OLFM3: variants seen among roughly 807,000 people sequenced by gnomAD.
OLFM3 encodes olfactomedin 3.
OLFM3 carries 20 observed loss-of-function variants against 48.6 expected under a neutral mutation model. That is an observed-to-expected ratio of 0.41 (90% confidence interval 0.29 to 0.60). OLFM3 has a LOEUF of 0.60. Among genes scored for constraint, OLFM3 ranks in the 20% least tolerant of loss-of-function variants. The pLI is 0.28. For synonymous variants in OLFM3, 222 were observed against 198.1 expected (o/e 1.12, Z -1.01); for missense variants, 437 against 544.3 (o/e 0.80, Z 1.96).
chr1:101,834,306 A>G (rs141479427), intron 2 of OLFM3, among the ~76,000 whole-genome samples: 1 of 152,264 alleles, frequency 6.6e-6, no homozygotes, highest in South Asian at 2.1e-4. Flanking sequence ...AAAGATAACT[A>G]TCCCTTCTAT....
At chr1:101,934,194 C>A (rs1286042944) in intron 1 of OLFM3, among the ~76,000 whole-genome samples, 1 of 152,060 alleles carries the variant, frequency 6.6e-6, no homozygotes, top group Non-Finnish European at 1.5e-5. Flanking sequence ...GAAGCAAGAC[C>A]CAATGGTCTG....
intron 1 of OLFM3, among the ~76,000 whole-genome samples, chr1:101,869,955 C>T (rs963045567): frequency 1.1e-4 from 17 of 152,042 alleles, no homozygotes; most frequent in Admixed American, 3.3e-4. Flanking sequence ...TACCCAGTCT[C>T]GAGCAGTTCT....
At chr1:101,944,684 A>T (rs1659899546) in intron 1 of OLFM3, among the ~76,000 whole-genome samples, 1 of 152,120 alleles carries the variant, frequency 6.6e-6, no homozygotes, top group African/African-American at 2.4e-5. Flanking sequence ...AGTTGAAACC[A>T]GGCTGGTCAA....
chr1:101,819,416 A>G (rs1458181100), intron 4 of OLFM3, among the ~76,000 whole-genome samples: 2 of 152,130 alleles, frequency 1.3e-5, no homozygotes, highest in Non-Finnish European at 2.9e-5. Context: ...TATTGGGGAA[A>G]GATCACACTA....
intron 1 of OLFM3, among the ~76,000 whole-genome samples, chr1:101,904,503 T>C (rs916543239): frequency 1.3e-5 from 2 of 152,122 alleles, no homozygotes; most frequent in Non-Finnish European, 2.9e-5. Context: ...TGTCAATACC[T>C]AACTTTTAAG....
At chr1:101,929,427 G>A (rs975044079) in intron 1 of OLFM3, among the ~76,000 whole-genome samples, 1 of 152,088 alleles carries the variant, frequency 6.6e-6, no homozygotes. Context: ...ATGCAGAAGA[G>A]TAAGTGGACT....
chr1:101,959,469 C>T (rs577247357), intron 1 of OLFM3, among the ~76,000 whole-genome samples: 1 of 152,062 alleles, frequency 6.6e-6, no homozygotes, highest in East Asian at 1.9e-4. Context: ...TAACAGGTAT[C>T]CCTCATCAAG....
intron 1 of OLFM3, among the ~76,000 whole-genome samples, chr1:101,933,201 CAAAAAAAAAA>C (rs761881274): frequency 4.7e-4 from 19 of 40,128 alleles, no homozygotes; most frequent in African/African-American, 1.5e-3. Context: ...GACTCCATCT[CAAAAAAAAAA>C]AAAAAAAAAA....
chr1:101,981,229 G>A (rs932574507), intron 1 of OLFM3, among the ~76,000 whole-genome samples: 3 of 151,608 alleles, frequency 2.0e-5, no homozygotes, highest in East Asian at 1.9e-4. Context: ...CTATTTCACC[G>A]AGAAAATGAA....
chr1:101,979,634 G>A (rs1245521899), intron 1 of OLFM3, among the ~76,000 whole-genome samples: 1 of 152,190 alleles, frequency 6.6e-6, no homozygotes, highest in Non-Finnish European at 1.5e-5. Context: ...GAAATGCCTG[G>A]ATGTCCAGGC....
intron 1 of OLFM3, among the ~76,000 whole-genome samples, chr1:101,915,336 C>T (rs1216434916): frequency 1.3e-5 from 2 of 151,060 alleles, no homozygotes; most frequent in Non-Finnish European, 2.9e-5. Flanking sequence ...AATAATTGTA[C>T]ATTTAATCCT....
At chr1:101,832,046 G>C (rs886069063) in intron 2 of OLFM3, among the ~76,000 whole-genome samples, 2 of 152,114 alleles carry the variant, frequency 1.3e-5, no homozygotes, top group Non-Finnish European at 2.9e-5. Context: ...GGGATTACAG[G>C]TGCACGCCAC....
At chr1:101,873,008 A>G (rs754883778) in intron 1 of OLFM3, among the ~76,000 whole-genome samples, 1 of 152,000 alleles carries the variant, frequency 6.6e-6, no homozygotes, top group Non-Finnish European at 1.5e-5. Context: ...TTTATGTTTC[A>G]GTGAATACTT....
At chr1:101,974,412 A>G (rs1366119405) in intron 1 of OLFM3, among the ~76,000 whole-genome samples, 1 of 152,150 alleles carries the variant, frequency 6.6e-6, no homozygotes, top group Non-Finnish European at 1.5e-5. Context: ...ATCATTCCTC[A>G]GATCAATAAT....
chr1:101,816,874 T>A (rs753475883), intron 4 of OLFM3, among the ~76,000 whole-genome samples: 8 of 152,184 alleles, frequency 5.3e-5, no homozygotes, highest in Non-Finnish European at 1.2e-4. Flanking sequence ...GAGCTCTCGA[T>A]GTTGATTTCT....
chr1:101,855,196 C>A (rs1005146058), intron 1 of OLFM3, among the ~76,000 whole-genome samples: 1 of 151,930 alleles, frequency 6.6e-6, no homozygotes, highest in Non-Finnish European at 1.5e-5. Flanking sequence ...GAGAAGCTTC[C>A]TTATTTAAGC....
chr1:101,815,396 G>A (rs536768700), intron 4 of OLFM3, among the ~76,000 whole-genome samples: 20 of 150,876 alleles, frequency 1.3e-4, no homozygotes, highest in Admixed American at 7.9e-4. Context: ...GCAGTGAGCC[G>A]AGATCGCGCC....
intron 1 of OLFM3, among the ~76,000 whole-genome samples, chr1:101,962,192 T>C (rs942015751): frequency 2.0e-5 from 3 of 152,142 alleles, no homozygotes; most frequent in African/African-American, 4.8e-5. Flanking sequence ...GATAGAACTG[T>C]AGGGATTATA....
At chr1:101,990,426 T>C (rs903890063) in intron 1 of OLFM3, among the ~76,000 whole-genome samples, 3 of 152,190 alleles carry the variant, frequency 2.0e-5, no homozygotes, top group Non-Finnish European at 4.4e-5. Context: ...AAGTGGAATA[T>C]TTGCACTAAA....
Sources: allele counts gnomAD v4.1 joint callset (sites outside exome capture counted in the v4.1 genomes callset), GRCh38; gene constraint gnomAD v4.1.1; transcripts MANE v1.5; gene names NCBI Gene and HGNC (gene_info 2026-07-23, HGNC 2026-07-21).